The following OBI1 variants were observed in gnomAD, a reference collection of about 807,000 sequenced individuals.
OBI1 encodes the protein ORC ubiquitin ligase 1.
Under a neutral mutation model 62.4 loss-of-function variants are expected in OBI1, and 59 were observed. The observed-to-expected ratio is 0.95, with a 90% CI of 0.77 to 1.17. The LOEUF is 1.17. Ranked by LOEUF, OBI1 falls within the 50% of genes most tolerant of loss-of-function variation. OBI1 has a pLI of 0.00. For missense variants in OBI1, 875 were observed against 830.9 expected, an observed-to-expected ratio of 1.05 and a Z score of -0.65; for synonymous variants, 302 against 292.8, an observed-to-expected ratio of 1.03 and a Z score of -0.32.
At chr13:78,618,532 C>T (rs1875400959) in intron 5 of OBI1, among the ~76,000 whole-genome samples, 1 of 152,128 alleles carries the variant, frequency 6.6e-6, no homozygotes, top group African/African-American at 2.4e-5. Context: ...TCAACCCCTA[C>T]ATAATCCCTG....
chr13:78,636,982 T>C (rs1876049342), intron 4 of OBI1, among the ~76,000 whole-genome samples: 1 of 152,350 alleles, frequency 6.6e-6, no homozygotes, highest in Admixed American at 6.5e-5. Flanking sequence ...CAGAGATCTT[T>C]TCAAGTTCAA....
intron 5 of OBI1, among the ~76,000 whole-genome samples, chr13:78,627,150 G>A (rs920352273): frequency 7.9e-5 from 12 of 152,010 alleles, no homozygotes; most frequent in Admixed American, 5.2e-4. Flanking sequence ...GATTACAGAG[G>A]CATTTTAAAA....
chr13:78,642,352 C>G (rs1470746585), intron 2 of OBI1, 139 bp from the exon 3 acceptor site: 2 of 547,980 alleles, frequency 3.6e-6, no homozygotes, highest in Non-Finnish European at 6.5e-6. Flanking sequence ...GGGCTTACAT[C>G]TAGGCCTTTT....
intron 1 of OBI1, among the ~76,000 whole-genome samples, chr13:78,654,029 G>GAAA (rs11421042): frequency 1.3e-4 from 17 of 133,536 alleles, no homozygotes; most frequent in Admixed American, 3.0e-4. Flanking sequence ...ATAACTTAAG[G>GAAA]AAAAAAAAAA....
intron 1 of OBI1, among the ~76,000 whole-genome samples, chr13:78,650,462 C>T (rs1593801384): frequency 6.6e-6 from 1 of 152,184 alleles, no homozygotes; most frequent in South Asian, 2.1e-4. Context: ...CTCTCAATCT[C>T]ATGTGTCACA....
chr13:78,619,974 GTTTAC>G (rs962367328), intron 5 of OBI1, among the ~76,000 whole-genome samples: 5 of 152,120 alleles, frequency 3.3e-5, no homozygotes, highest in South Asian at 4.1e-4. Context: ...ACATTTGACT[GTTTAC>G]TTTATTTCAC....
chr13:78,647,081 C>T (rs573900498), intron 1 of OBI1, among the ~76,000 whole-genome samples: 121 of 152,342 alleles, frequency 7.9e-4, no homozygotes, highest in African/African-American at 2.8e-3. Flanking sequence ...ACCAGGGGCA[C>T]AATGCACGGC....
At chr13:78,627,806 T>C (rs1875722505) in intron 5 of OBI1, among the ~76,000 whole-genome samples, 1 of 152,252 alleles carries the variant, frequency 6.6e-6, no homozygotes, top group Non-Finnish European at 1.5e-5. Context: ...ACACATCATG[T>C]CAAGGTAATA....
rs1875266042 is a variant in OBI1, at chr13:78,616,008, C to T, written c.1753G>A (p.Glu585Lys). The T allele has an allele frequency of 6.2e-7, 1 of 1,614,094 alleles. No individual in the cohort carries two copies. The highest frequency in any genetic ancestry group is 2.2e-5 in the East Asian group (1 of 44,870). The change falls in exon 6 of 6, where the codon GAA (glutamate) becomes AAA (lysine). Residue 585 changes from glutamate (E) to lysine (K), a missense_variant. Coordinates refer to ENST00000282003, the MANE Select transcript of OBI1 (RefSeq NM_024546.4). ...TTGGAAAGGTTTAGCTCAGTTTTTT[C>T]TTCCAACTTATCAGGTTCCTCAAGA... ...EFLEEPDKLE[E>K]KTELNLSKGS... is the part of the protein sequence containing the mutation.
intron 1 of OBI1, among the ~76,000 whole-genome samples, chr13:78,651,054 A>C (rs1433944420): frequency 6.6e-6 from 1 of 152,174 alleles, no homozygotes; most frequent in Non-Finnish European, 1.5e-5. Context: ...AGAATGAAAA[A>C]CTGTCAATTA....
At chr13:78,621,817 T>G (rs940757443) in intron 5 of OBI1, among the ~76,000 whole-genome samples, 3 of 152,324 alleles carry the variant, frequency 2.0e-5, no homozygotes, top group African/African-American at 7.2e-5. Context: ...GTGGAGCTCT[T>G]TCACGATATT....
chr13:78,619,043 A>G (rs1875420825), intron 5 of OBI1, among the ~76,000 whole-genome samples: 1 of 152,200 alleles, frequency 6.6e-6, no homozygotes, highest in Non-Finnish European at 1.5e-5. Flanking sequence ...TGACAGCCTT[A>G]CATTTGCTTA....
intron 2 of OBI1, among the ~76,000 whole-genome samples, chr13:78,644,129 GCAAAAGCCTCCTAC>G (rs1876310113): frequency 1.3e-5 from 2 of 152,050 alleles, no homozygotes; most frequent in South Asian, 4.2e-4. Flanking sequence ...TATCACCTAG[GCAAAAGCCTCCTAC>G]CAGACCTACT....
rs368698200 is a variant in OBI1, at chr13:78,658,974, CACGAG to C, written c.72+70_72+74del. On this transcript the variant is annotated intron_variant, in intron 1 of 5. Transcript: ENST00000282003. Reference sequence around the variant, plus strand: ...GCCTCACGCCCCTTCCCCGCCCCCGCACGAGACGGCCCTCGGCCCCGGCGAGCGAC... The same window carrying C: ...GCCTCACGCCCCTTCCCCGCCCCCGCACGGCCCTCGGCCCCGGCGAGCGAC... 187 of 1,383,118 alleles carry C rather than the reference CACGAG, an allele frequency of 1.4e-4. 2 individuals carry two copies. The South Asian group carries it at 2.2e-3, about 16-fold the overall frequency. The allele number at this position is 1,383,118 out of a possible 1,614,324, so 85.7% of individuals were successfully genotyped here.
intron 5 of OBI1, among the ~76,000 whole-genome samples, chr13:78,627,644 T>C (rs1366268900): frequency 3.3e-5 from 5 of 152,256 alleles, no homozygotes; most frequent in African/African-American, 1.2e-4. Flanking sequence ...CCATGCTGTA[T>C]ATGTACCACA....
intron 1 of OBI1, among the ~76,000 whole-genome samples, chr13:78,656,563 CA>C (rs1405401101): frequency 6.7e-6 from 1 of 149,340 alleles, no homozygotes; most frequent in Non-Finnish European, 1.5e-5. Context: ...GCCCGGGCAA[CA>C]AGAGCGAAAC....
chr13:78,646,554 A>T (rs1056780616), intron 1 of OBI1, among the ~76,000 whole-genome samples: 1 of 152,162 alleles, frequency 6.6e-6, no homozygotes. Context: ...TTTCATAGCC[A>T]TTTTCAATAT....
chr13:78,622,789 A>T (rs1247940027), intron 5 of OBI1, among the ~76,000 whole-genome samples: 1 of 152,180 alleles, frequency 6.6e-6, no homozygotes, highest in African/African-American at 2.4e-5. Flanking sequence ...AAGTGAGAAG[A>T]AAAATGAAAA....
Position 78,638,971 on chromosome 13 carries a change from A to T in OBI1, c.401T>A (p.Val134Glu). ...IKTILDPLTLVQGNQNEDKHL... is the reference protein window; with the variant it reads ...IKTILDPLTLEQGNQNEDKHL... ...TTTGTCTTCATTTTGGTTGCCCTGC[A>T]CCAAGGTTAAAGGATCCAGAATAGT... Residue 134 changes from valine to glutamate, a missense_variant, in exon 4 of 6, where the codon GTG (valine) becomes GAG (glutamate). Transcript: ENST00000282003. 1 of 1,614,012 alleles carries T rather than the reference A, an allele frequency of 6.2e-7. No homozygotes were observed. Among genetic ancestry groups the T allele is most frequent in the Non-Finnish European group, 8.5e-7 (1 of 1,179,964 alleles).
Sources: allele counts gnomAD v4.1 joint callset (sites outside exome capture counted in the v4.1 genomes callset), GRCh38; gene constraint gnomAD v4.1.1; transcripts MANE v1.5; gene names NCBI Gene and HGNC (gene_info 2026-07-23, HGNC 2026-07-21).